The following PALM2AKAP2 variants were observed in gnomAD, a reference collection of about 807,000 sequenced individuals.
The protein encoded by PALM2AKAP2 is PALM2-AKAP2 fusion protein.
Under a neutral mutation model 71.5 loss-of-function variants are expected in PALM2AKAP2, and 37 were observed. That is an observed-to-expected ratio of 0.52 (90% CI 0.40 to 0.68). The LOEUF is 0.68. PALM2AKAP2 is among the 30% of genes least tolerant of loss of function. PALM2AKAP2 has a pLI of 0.00. For missense variants in PALM2AKAP2, 1,224 were observed against 1,191.8 expected, an observed-to-expected ratio of 1.03 and a Z score of -0.40; for synonymous variants, 468 against 478.8, an observed-to-expected ratio of 0.98 and a Z score of 0.29.
intron 6 of PALM2AKAP2, among the ~76,000 whole-genome samples, 190 bp downstream of exon 6, chr9:109,932,218 TG>T (rs1292951499): frequency 6.6e-6 from 1 of 152,198 alleles, no homozygotes; most frequent in Non-Finnish European, 1.5e-5. Flanking sequence ...GAGGACCAAA[TG>T]GGAAGGAGTT....
At chr9:109,965,273 A>G (rs1395242058) in intron 6 of PALM2AKAP2, among the ~76,000 whole-genome samples, 1 of 152,248 alleles carries the variant, frequency 6.6e-6, no homozygotes, top group Non-Finnish European at 1.5e-5. Context: ...ACTCGAACAG[A>G]TATTTGTATA....
intron 1 of PALM2AKAP2, among the ~76,000 whole-genome samples, chr9:109,673,180 T>C (rs1827601163): frequency 6.6e-6 from 1 of 152,168 alleles, no homozygotes; most frequent in African/African-American, 2.4e-5. Context: ...ACTTCTCTAG[T>C]TCTTTTAGTT....
At chr9:110,105,193 C>T (rs946263137) in intron 1 of PALM2AKAP2, among the ~76,000 whole-genome samples, 4 of 152,180 alleles carry the variant, frequency 2.6e-5, no homozygotes, top group Admixed American at 1.3e-4. Context: ...GAAGCTCAAA[C>T]GCATATGTTC....
chr9:109,734,480 C>G (rs1195002018), intron 1 of PALM2AKAP2, among the ~76,000 whole-genome samples: 1 of 152,238 alleles, frequency 6.6e-6, no homozygotes, highest in East Asian at 1.9e-4. Flanking sequence ...ATTTCAGGTG[C>G]TCAAAACAGC....
intron 6 of PALM2AKAP2, among the ~76,000 whole-genome samples, chr9:109,970,369 G>A (rs769088083): frequency 3.3e-5 from 5 of 152,172 alleles, no homozygotes; most frequent in Non-Finnish European, 4.4e-5. Flanking sequence ...GGAGGGACAC[G>A]GATTGGTGGG....
chr9:109,860,582 C>T (rs983434820), intron 1 of PALM2AKAP2, among the ~76,000 whole-genome samples: 1 of 152,180 alleles, frequency 6.6e-6, no homozygotes, highest in African/African-American at 2.4e-5. Flanking sequence ...TTATAAGCCA[C>T]AGTAAAATAT....
chr9:109,791,241 G>T (rs1253616303), intron 1 of PALM2AKAP2, among the ~76,000 whole-genome samples: 1 of 152,198 alleles, frequency 6.6e-6, no homozygotes. Context: ...ATGCGATGAG[G>T]GAGAATGAAG....
Position 110,123,522 on chromosome 9 carries a change from C to A in PALM2AKAP2, c.157-12605C>A, listed in dbSNP as rs117834317. On this transcript the variant is annotated intron_variant, in intron 1 of 3. Transcript: ENST00000374525. The stretch of plus-strand genomic sequence containing the variant: ...CCAAATAAGGTCACATTCTGAGGTC[C>A]TTGGTGTTAGGAGTTCAACATAAGA... Among the ~76,000 whole-genome samples the A allele has an allele frequency of 3.8e-3, 585 of 152,180 alleles. 1 individual carries two copies. The highest frequency in any genetic ancestry group is 6.9e-3 in the Non-Finnish European group (471 of 68,000).
chr9:110,018,619 C>T (rs577546143), intron 7 of PALM2AKAP2, among the ~76,000 whole-genome samples: 19 of 152,326 alleles, frequency 1.2e-4, no homozygotes, highest in African/African-American at 4.3e-4. Flanking sequence ...GTGTAAGCCT[C>T]TCCACCCAGC....
At chr9:110,024,194 A>T (rs1480153283) in intron 7 of PALM2AKAP2, among the ~76,000 whole-genome samples, 3 of 152,174 alleles carry the variant, frequency 2.0e-5, no homozygotes, top group African/African-American at 7.2e-5. Context: ...TAACCATCAC[A>T]CAATCCAGTT....
chr9:109,704,025 T>C (rs1429119988), intron 1 of PALM2AKAP2, among the ~76,000 whole-genome samples: 1 of 152,208 alleles, frequency 6.6e-6, no homozygotes, highest in Non-Finnish European at 1.5e-5. Context: ...TCTTGTATCT[T>C]GGACCTCACT....
exon 2 of PALM2AKAP2, chr9:110,137,950 C>T: frequency 6.2e-7 from 1 of 1,614,134 alleles, no homozygotes; most frequent in Non-Finnish European, 8.5e-7. Flanking sequence ...ATCAGGCTGG[C>T]CTCCTGGTGC....
At chr9:109,717,956 A>G (rs1286046752) in intron 1 of PALM2AKAP2, among the ~76,000 whole-genome samples, 1 of 152,246 alleles carries the variant, frequency 6.6e-6, no homozygotes, top group Non-Finnish European at 1.5e-5. Context: ...AGAGAGAGAA[A>G]GGGAGGCCAT....
At chr9:109,705,422 T>A (rs562933733) in intron 1 of PALM2AKAP2, among the ~76,000 whole-genome samples, 2 of 152,324 alleles carry the variant, frequency 1.3e-5, no homozygotes, top group South Asian at 4.1e-4. Context: ...TGTCTTCTCT[T>A]GGATGACCTG....
chr9:109,965,951 C>T (rs1420315138), intron 6 of PALM2AKAP2, among the ~76,000 whole-genome samples: 1 of 152,104 alleles, frequency 6.6e-6, no homozygotes, highest in African/African-American at 2.4e-5. Flanking sequence ...AGGGAAAAGG[C>T]AACCCAGCCA....
intron 1 of PALM2AKAP2, among the ~76,000 whole-genome samples, chr9:109,848,949 G>A (rs1460077965): frequency 1.3e-5 from 2 of 151,866 alleles, no homozygotes; most frequent in Non-Finnish European, 2.9e-5. Flanking sequence ...TAGTTGTAAC[G>A]GAGACTATAA....
chr9:110,045,019 G>A (rs1425063813), upstream of PALM2AKAP2, among the ~76,000 whole-genome samples: 1 of 152,148 alleles, frequency 6.6e-6, no homozygotes, highest in Non-Finnish European at 1.5e-5. Flanking sequence ...CCAGAAAGCT[G>A]TTCTTTACTT....
chr9:109,906,459 A>C (rs147143744), intron 3 of PALM2AKAP2, among the ~76,000 whole-genome samples: 2,291 of 152,312 alleles, frequency 0.015, 51 homozygotes, highest in African/African-American at 0.053. Context: ...TCAGCCTCCC[A>C]AAGTGCTGAG....
intron 2 of PALM2AKAP2, among the ~76,000 whole-genome samples, chr9:109,874,605 G>A (rs1015671045): frequency 3.9e-5 from 6 of 152,170 alleles, no homozygotes; most frequent in African/African-American, 1.4e-4. Flanking sequence ...CTGCCAAATT[G>A]AGAATCCCAG....
Sources: gnomAD v4.1 joint callset for allele counts (sites outside exome capture counted in the v4.1 genomes callset) on GRCh38, gnomAD v4.1.1 for gene constraint, MANE v1.5 for transcripts, NCBI Gene and HGNC (gene_info 2026-07-23, HGNC 2026-07-21) for gene names.